PLEKHG1: variants seen among roughly 807,000 people sequenced by gnomAD.
The protein encoded by PLEKHG1 is pleckstrin homology and RhoGEF domain containing G1.
PLEKHG1 carries 44 observed loss-of-function variants against 100.8 expected under a neutral mutation model. The ratio of observed to expected loss-of-function variants is 0.44; its 90% confidence interval spans 0.34 to 0.56. The LOEUF (loss-of-function observed/expected upper bound fraction) is 0.56. Ranked by LOEUF, PLEKHG1 falls within the 20% of genes least tolerant of loss-of-function variation. The probability of loss-of-function intolerance (pLI) is 0.01; values close to 1 mark genes in which losing one functional copy is unlikely to be tolerated. For missense variants in PLEKHG1, 1,545 were observed against 1,720.9 expected (o/e 0.90, Z 1.81); for synonymous variants, 640 against 662.5 (o/e 0.97, Z 0.52).
intron 3 of PLEKHG1, among the ~76,000 whole-genome samples, chr6:150,685,558 G>A (rs12153996): frequency 6.6e-6 from 1 of 152,178 alleles, no homozygotes; most frequent in African/African-American, 2.4e-5. Context: ...GGAGAGAATA[G>A]AGCCAATAGC....
intron 3 of PLEKHG1, among the ~76,000 whole-genome samples, chr6:150,776,547 C>T (rs1047222963): frequency 7.4e-6 from 1 of 135,584 alleles, no homozygotes; most frequent in Non-Finnish European, 1.5e-5. Flanking sequence ...TTGCACATTA[C>T]TCACACTGAT....
chr6:150,611,444 G>T (rs1009747247), intron 1 of PLEKHG1, among the ~76,000 whole-genome samples: 1 of 152,238 alleles, frequency 6.6e-6, no homozygotes, highest in African/African-American at 2.4e-5. Context: ...TATTGAGACA[G>T]ATCTCCAAAG....
intron 1 of PLEKHG1, among the ~76,000 whole-genome samples, chr6:150,626,298 A>T (rs927070079): frequency 6.6e-6 from 1 of 152,184 alleles, no homozygotes; most frequent in African/African-American, 2.4e-5. Context: ...TGCCTAAAGA[A>T]AGGGTGTTAT....
chr6:150,799,882 A>G (rs1786582976), intron 5 of PLEKHG1, among the ~76,000 whole-genome samples: 1 of 152,200 alleles, frequency 6.6e-6, no homozygotes, highest in African/African-American at 2.4e-5. Context: ...TTTGCGAACG[A>G]AAGATTTTTA....
At chr6:150,707,792 C>G (rs1781084222) in intron 3 of PLEKHG1, among the ~76,000 whole-genome samples, 1 of 152,182 alleles carries the variant, frequency 6.6e-6, no homozygotes, top group Admixed American at 6.5e-5. Context: ...TCAGCTCCGT[C>G]AAGCCTCACC....
chr6:150,649,625 C>G (rs1030587298), intron 2 of PLEKHG1, among the ~76,000 whole-genome samples: 2 of 152,160 alleles, frequency 1.3e-5, no homozygotes, highest in African/African-American at 4.8e-5. Context: ...GCCTGTAATC[C>G]CAGCACTTTG....
intron 14 of PLEKHG1, 117 bp downstream of exon 15, chr6:150,823,793 A>C: frequency 1.4e-6 from 1 of 720,070 alleles, no homozygotes; most frequent in Non-Finnish European, 2.4e-6. Flanking sequence ...GTTATTTTAC[A>C]TTTTGGAAAT....
chr6:150,687,090 C>T (rs1780166719), intron 3 of PLEKHG1: 1 of 152,660 alleles, frequency 6.6e-6, no homozygotes, highest in African/African-American at 2.4e-5. Flanking sequence ...ATGGAATTGA[C>T]AAATCCAGAA....
At chr6:150,834,687 G>A (rs750808656) in intron 15 of PLEKHG1, among the ~76,000 whole-genome samples, 3 of 152,134 alleles carry the variant, frequency 2.0e-5, no homozygotes, top group Admixed American at 6.5e-5. Flanking sequence ...TTGCCTGCTG[G>A]TGTTGTCTTG....
intron 3 of PLEKHG1, among the ~76,000 whole-genome samples, chr6:150,666,891 G>T (rs548818922): frequency 6.6e-6 from 1 of 151,900 alleles, no homozygotes; most frequent in East Asian, 1.9e-4. Flanking sequence ...CTCCCAAGTA[G>T]CTGGGACTAC....
At chr6:150,747,596 T>C (rs1185662330) in intron 2 of PLEKHG1, among the ~76,000 whole-genome samples, 2 of 152,170 alleles carry the variant, frequency 1.3e-5, no homozygotes, top group East Asian at 3.9e-4. Flanking sequence ...TACATCAGAA[T>C]TAACAACAAC....
Position 150,608,508 on chromosome 6 carries a change from A to G in PLEKHG1, c.-204+8491A>G, listed in dbSNP as rs563162876. 5.3e-5 allele frequency among the ~76,000 whole-genome samples: 8 copies of G among 152,370 alleles called. 1 individual carries two copies. In the South Asian group the frequency reaches 1.7e-3, roughly 32 times the overall value. ...ACTGGCTAAAGTCATAACAGCTAGCAATAACTATTCTAAAAATCTCCCTGG... is the reference window on the plus strand; with the variant it reads ...ACTGGCTAAAGTCATAACAGCTAGCGATAACTATTCTAAAAATCTCCCTGG... On this transcript the variant is annotated intron_variant, in intron 1 of 3. Transcript: ENST00000367326.
At chr6:150,836,972 G>A (rs1004837033) in intron 15 of PLEKHG1, among the ~76,000 whole-genome samples, 2 of 152,074 alleles carry the variant, frequency 1.3e-5, no homozygotes, top group East Asian at 3.9e-4. Context: ...GACCAGCTTG[G>A]CTAACATGGC....
chr6:150,807,695 C>T (rs774299287), intron 7 of PLEKHG1, among the ~76,000 whole-genome samples: 8 of 152,086 alleles, frequency 5.3e-5, no homozygotes, highest in Non-Finnish European at 1.2e-4. Context: ...AGATCTAGGC[C>T]AGGCGCCGGG....
chr6:150,649,587 A>C (rs1778632222), intron 2 of PLEKHG1, among the ~76,000 whole-genome samples: 1 of 152,258 alleles, frequency 6.6e-6, no homozygotes, highest in South Asian at 2.1e-4. Context: ...TTTTAAAAAC[A>C]GTGACCAGGC....
rs1209599971 is a variant in PLEKHG1, at chr6:150,641,089, T to C, written c.-158+2964T>C. Reference sequence around the variant, plus strand: ...GGGCTTAACTCCACACACAGCCAAATGCCCCCACTATTAGAGGCTCTTTTA... The same window carrying C: ...GGGCTTAACTCCACACACAGCCAAACGCCCCCACTATTAGAGGCTCTTTTA... On this transcript the variant is annotated intron_variant, in intron 2 of 3. Transcript: ENST00000367326. Among the ~76,000 whole-genome samples, 6 of 152,144 alleles carry C rather than the reference T, an allele frequency of 3.9e-5. No homozygotes were observed. The East Asian group carries it at 1.2e-3, about 29-fold the overall frequency.
chr6:150,683,426 A>G lies in PLEKHG1; in HGVS notation c.-99+32640A>G, dbSNP rs1344573647. Reference sequence around the variant, plus strand: ...CGGAGGGAAATGACTTCATGGGCTCACTGTTGAGCTGCTTCCCTTTGCATC... The same window carrying G: ...CGGAGGGAAATGACTTCATGGGCTCGCTGTTGAGCTGCTTCCCTTTGCATC... On this transcript the variant is annotated intron_variant, in intron 3 of 3. Transcript: ENST00000367326. The surrounding 1 kb of genome is among the most constrained non-coding windows in gnomAD (Gnocchi z 4.0). 1.3e-5 allele frequency among the ~76,000 whole-genome samples: 2 copies of G among 151,060 alleles called. No homozygotes were observed. Among genetic ancestry groups the G allele is most frequent in the Admixed American group, 6.6e-5 (1 of 15,184 alleles).
intron 3 of PLEKHG1, among the ~76,000 whole-genome samples, chr6:150,665,477 A>C (rs182283487): frequency 3.5e-4 from 53 of 152,068 alleles, no homozygotes; most frequent in Middle Eastern, 3.4e-3. Flanking sequence ...AAAAATACAA[A>C]AAATTAGCTG....
chr6:150,741,925 A>T (rs948133008), intron 2 of PLEKHG1, among the ~76,000 whole-genome samples: 1 of 152,184 alleles, frequency 6.6e-6, no homozygotes, highest in Non-Finnish European at 1.5e-5. Flanking sequence ...ATTAGAAGCT[A>T]ATAGAACCAC....
Sources: allele counts gnomAD v4.1 joint callset (sites outside exome capture counted in the v4.1 genomes callset), GRCh38; gene constraint gnomAD v4.1.1; non-coding constraint Gnocchi (gnomAD v3.1); transcripts MANE v1.5; gene names NCBI Gene and HGNC (gene_info 2026-07-23, HGNC 2026-07-21).